PALM: variants seen among roughly 807,000 people sequenced by gnomAD.
PALM encodes the protein paralemmin-1.
In PALM, 18 loss-of-function variants were observed where a neutral mutation model predicts 30.7. That is an observed-to-expected ratio of 0.59 (90% CI 0.41 to 0.87). The LOEUF (loss-of-function observed/expected upper bound fraction) is 0.87. Ranked by LOEUF, PALM falls within the 40% of genes least tolerant of loss-of-function variation. The pLI is 0.00. For missense variants in PALM, 529 were observed against 555.4 expected (o/e 0.95, Z 0.48); for synonymous variants, 286 against 242.8 (o/e 1.18, Z -1.66).
At chr19:712,082 C>A (rs1312153332) in intron 1 of PALM, among the ~76,000 whole-genome samples, 1 of 151,582 alleles carries the variant, frequency 6.6e-6, no homozygotes, top group Admixed American at 6.6e-5. Context: ...GAGTGCAGTG[C>A]TGCGATCTCC....
intron 5 of PALM, among the ~76,000 whole-genome samples, chr19:732,902 G>T (rs2032916434): frequency 6.6e-6 from 1 of 151,626 alleles, no homozygotes; most frequent in African/African-American, 2.4e-5. Context: ...GGGAGGGCTG[G>T]GCAGGCGACC....
intron 1 of PALM, among the ~76,000 whole-genome samples, chr19:710,734 G>C (rs577854794): frequency 1.4e-5 from 2 of 142,128 alleles, no homozygotes; most frequent in African/African-American, 2.7e-5. Context: ...CGGTTTCTCC[G>C]TCCTGGGTCA....
intron 4 of PALM, among the ~76,000 whole-genome samples, chr19:729,423 C>G (rs1041335399): frequency 6.0e-5 from 9 of 150,758 alleles, no homozygotes; most frequent in Non-Finnish European, 1.2e-4. Context: ...GTTTCCTCAC[C>G]TGTGAACCAG....
At position 726,155 on chromosome 19, in the gene PALM, C is replaced by T; in HGVS notation, c.23C>T (p.Thr8Ile). Residue 8 changes from threonine (T) to isoleucine (I), a missense_variant, in exon 2 of 9, where the codon ACC becomes ATC. Coordinates refer to ENST00000338448, the MANE Select transcript of PALM (RefSeq NM_002579.3). ...TCCCGCAGGGTCCTGGCGGCAGAGA[C>T]CACGTCCCAGCAGGAGCGGCTGCAG... Reference protein sequence around the residue: MEVLAAETTSQQERLQAI... With the variant: MEVLAAEITSQQERLQAI... 1.9e-6 allele frequency: 3 copies of T among 1,613,284 alleles called. No individual in the cohort carries two copies. Among genetic ancestry groups the T allele is most frequent in the Non-Finnish European group, 2.5e-6 (3 of 1,179,738 alleles).
In PALM at chr19:721,941, C is replaced by T. The variant is rs557172054; in HGVS notation, c.6-4197C>T. On this transcript the variant is annotated intron_variant, in intron 1 of 8. Transcript: ENST00000338448. Reference sequence around the variant, plus strand: ...TTTTTTTAATATATATTTTTTGAGACGGAGTCTCGCTCTGTCGCCCAGGCT... The same window carrying T: ...TTTTTTTAATATATATTTTTTGAGATGGAGTCTCGCTCTGTCGCCCAGGCT... 4.6e-4 allele frequency among the ~76,000 whole-genome samples: 68 copies of T among 148,822 alleles called. 1 individual carries two copies. The highest frequency in any genetic ancestry group is 1.6e-3 in the African/African-American group (65 of 40,328).
At chr19:721,255 T>C (rs2032469830) in intron 1 of PALM, among the ~76,000 whole-genome samples, 1 of 152,120 alleles carries the variant, frequency 6.6e-6, no homozygotes, top group Non-Finnish European at 1.5e-5. Flanking sequence ...CAGGGTCTGA[T>C]TAATTATTAT....
intron 1 of PALM, chr19:719,040 CCCA>C (rs1568220284): frequency 2.3e-6 from 2 of 872,896 alleles, no homozygotes; most frequent in Non-Finnish European, 2.7e-6. Flanking sequence ...TCCCCCACCC[CCCA>C]CAATGGCCAA....
chr19:714,119 A>T (rs1477290113), intron 1 of PALM, among the ~76,000 whole-genome samples: 1 of 150,932 alleles, frequency 6.6e-6, no homozygotes, highest in Non-Finnish European at 1.5e-5. Flanking sequence ...GTTAGCCAGG[A>T]TGGTCTTGAT....
At chr19:728,041 G>C (rs114689735) in intron 4 of PALM, among the ~76,000 whole-genome samples, 2 of 147,754 alleles carry the variant, frequency 1.4e-5, no homozygotes, top group African/African-American at 2.7e-5. Flanking sequence ...CGTCGAGCTC[G>C]TGGGTCCCTG....
At position 742,616 on chromosome 19, in the gene PALM, A is replaced by AAAAGAAAG. The variant is rs35650635; in HGVS notation, c.634+2137_634+2144dup. 6.8e-6 allele frequency among the ~76,000 whole-genome samples: 1 copy of AAAAGAAAG among 147,716 alleles called. No homozygotes were observed. Among genetic ancestry groups the AAAAGAAAG allele is most frequent in the African/African-American group, 2.5e-5 (1 of 40,392 alleles). On this transcript the variant is annotated intron_variant, in intron 8 of 8. Transcript: ENST00000338448. This position sits in a 1 kb window ranked among gnomAD's most constrained non-coding sequence, Gnocchi z 5.5. Reference sequence around the variant, plus strand: ...GTGAAACTCTGTCTCAAAAAAAAAAAAAAGAAAGAAAAGAGAATAAATGGG... The same window carrying AAAAGAAAG: ...GTGAAACTCTGTCTCAAAAAAAAAAAAAAGAAAGAAAGAAAGAAAAGAGAATAAATGGG...
intron 5 of PALM, 59 bp from the exon 6 acceptor site, chr19:734,114 T>C (rs1382570219): frequency 1.9e-6 from 3 of 1,578,288 alleles, no homozygotes; most frequent in Non-Finnish European, 2.6e-6. Flanking sequence ...ACCCCATGGC[T>C]CCCCTTCCTC....
At chr19:719,730 C>G in intron 1 of PALM, 1 of 693,954 alleles carries the variant, frequency 1.4e-6, no homozygotes, top group Non-Finnish European at 1.8e-6. Context: ...CCAGCCTCGC[C>G]GATCACACGG....
chr19:731,177 G>T lies in PALM; in HGVS notation c.352G>T (p.Val118Phe). 2 of 1,610,320 alleles carry T rather than the reference G, an allele frequency of 1.2e-6. No individual in the cohort carries two copies. Among genetic ancestry groups the T allele is most frequent in the Non-Finnish European group, 1.7e-6 (2 of 1,178,848 alleles). The change falls in exon 5 of 9, where the codon GTC (valine) becomes TTC (phenylalanine). Residue 118 changes from valine (V) to phenylalanine (F), a missense_variant. By Grantham distance (50) the Val-to-Phe change is conservative. Coordinates refer to ENST00000338448, the MANE Select transcript of PALM (RefSeq NM_002579.3). ...AKENAAAPSP[V>F]RAPAPSPAKE... ...GGAGAACGCGGCGGCCCCGAGCCCA[G>T]TCCGGGCCCCAGCCCCGAGTCCAGC...
At chr19:727,525 G>T in intron 3 of PALM, 39 bp from the exon 4 acceptor site, 1 of 1,531,966 alleles carries the variant, frequency 6.5e-7, no homozygotes, top group East Asian at 2.4e-5. Flanking sequence ...CCTGGCCCTG[G>T]TCCTGCCCAC....
In PALM at chr19:746,551, ATCT is replaced by A; in HGVS notation, c.904_906del (p.Phe302del). 1 of 1,613,152 alleles carries A rather than the reference ATCT, an allele frequency of 6.2e-7. No homozygotes were observed. The highest frequency in any genetic ancestry group is 8.5e-7 in the Non-Finnish European group (1 of 1,179,862). On this transcript the variant is annotated inframe_deletion, in exon 9 of 9. Coordinates refer to ENST00000338448, the MANE Select transcript of PALM (RefSeq NM_002579.3). The surrounding 1 kb of genome is among the most constrained non-coding windows in gnomAD (Gnocchi z 7.1). The stretch of plus-strand genomic sequence containing the variant: ...CGGCCAGGAGCCCCCGGTCACAATG[ATCT>A]TCATGGGTTACCAGAACGTGGAGGA...
intron 2 of PALM, 95 bp downstream of exon 2, chr19:726,284 C>T (rs2032660019): frequency 5.0e-6 from 5 of 996,618 alleles, no homozygotes; most frequent in African/African-American, 4.8e-5. Context: ...GACCTGGAAC[C>T]AGGGCATGGT....
In PALM at chr19:727,702, C is replaced by T. The variant is rs2032733683; in HGVS notation, c.269+8C>T. ...GGAGGACTCGGTGTCCAGGTGGGGG[C>T]TGCAGCGTGGGTGCCACCGGGCTGG... On this transcript the variant is annotated splice_region_variant and intron_variant, in intron 4 of 8. Transcript: ENST00000338448. 1 of 1,546,024 alleles carries T rather than the reference C, an allele frequency of 6.5e-7. No homozygotes were observed. Among genetic ancestry groups the T allele is most frequent in the Non-Finnish European group, 8.7e-7 (1 of 1,143,970 alleles).
intron 1 of PALM, among the ~76,000 whole-genome samples, chr19:724,048 C>T (rs1046231789): frequency 2.0e-5 from 3 of 152,136 alleles, no homozygotes; most frequent in East Asian, 1.9e-4. Flanking sequence ...CCCTGAACTC[C>T]GTGTGAACCA....
At chr19:721,004 G>A (rs2032459670) in intron 1 of PALM, among the ~76,000 whole-genome samples, 2 of 152,220 alleles carry the variant, frequency 1.3e-5, no homozygotes, top group Admixed American at 6.5e-5. Flanking sequence ...GGGGCTGGGC[G>A]GTTGTTGTTC....
Sources: allele counts gnomAD v4.1 joint callset (sites outside exome capture counted in the v4.1 genomes callset), GRCh38; gene constraint gnomAD v4.1.1; non-coding constraint Gnocchi (gnomAD v3.1); transcripts MANE v1.5; gene names NCBI Gene and HGNC (gene_info 2026-07-23, HGNC 2026-07-21).